The following KCTD8 variants were observed in gnomAD, a reference collection of about 807,000 sequenced individuals.
KCTD8 encodes BTB/POZ domain-containing protein KCTD8.
A neutral mutation model predicts 31.5 loss-of-function variants in KCTD8; 27 were observed. The observed-to-expected ratio is 0.86, with a 90% CI of 0.63 to 1.18. The LOEUF is 1.18. KCTD8 is among the 50% of genes most tolerant of loss of function. The pLI is 0.00. For missense variants in KCTD8, 658 were observed against 647.7 expected (o/e 1.02, Z -0.17); for synonymous variants, 290 against 280.0 (o/e 1.04, Z -0.36).
chr4:44,203,451 T>C (rs1714208554), intron 1 of KCTD8, among the ~76,000 whole-genome samples: 1 of 149,284 alleles, frequency 6.7e-6, no homozygotes, highest in African/African-American at 2.5e-5. Flanking sequence ...GATCGTGCCA[T>C]TGTACTCCAG....
intron 1 of KCTD8, chr4:44,293,472 A>G: frequency 2.2e-6 from 1 of 455,616 alleles, no homozygotes; most frequent in Non-Finnish European, 4.4e-6. Context: ...AATCATAAAT[A>G]GCCATATATT....
intron 1 of KCTD8, among the ~76,000 whole-genome samples, chr4:44,300,902 T>G (rs1291576272): frequency 1.5e-5 from 2 of 129,932 alleles, no homozygotes; most frequent in Non-Finnish European, 3.2e-5. Flanking sequence ...GAGTGTGATG[T>G]TCCCCTTCCT....
chr4:44,328,585 T>C lies in KCTD8; in HGVS notation c.961+118978A>G, dbSNP rs979188795. Among the ~76,000 whole-genome samples, 18 of 152,120 alleles carry C rather than the reference T, an allele frequency of 1.2e-4. No individual in the cohort carries two copies. In the South Asian group the frequency reaches 2.5e-3, roughly 21 times the overall value. On this transcript the variant is annotated intron_variant, in intron 1 of 1. Transcript: ENST00000360029. Reference sequence around the variant, plus strand: ...TGTAACTATTTAACATAAATAGTTTTAGATGATTTTCCATTAGAAACACAA... The same window carrying C: ...TGTAACTATTTAACATAAATAGTTTCAGATGATTTTCCATTAGAAACACAA...
intron 1 of KCTD8, among the ~76,000 whole-genome samples, chr4:44,440,380 T>C (rs1008414352): frequency 3.3e-5 from 5 of 152,228 alleles, no homozygotes; most frequent in Admixed American, 6.5e-5. Flanking sequence ...TAGGTGCTTA[T>C]GTAACAACTT....
intron 1 of KCTD8, among the ~76,000 whole-genome samples, chr4:44,241,151 A>G (rs748084063): frequency 6.6e-6 from 1 of 152,224 alleles, no homozygotes; most frequent in Non-Finnish European, 1.5e-5. Context: ...GCCAGCTTGC[A>G]AGCAGTGGTT....
chr4:44,338,879 C>G (rs1181133188), intron 1 of KCTD8, among the ~76,000 whole-genome samples: 1 of 152,058 alleles, frequency 6.6e-6, no homozygotes, highest in Non-Finnish European at 1.5e-5. Flanking sequence ...TAGAAAAAAG[C>G]TCTCTTCATA....
At chr4:44,358,984 C>A (rs1719428541) in intron 1 of KCTD8, among the ~76,000 whole-genome samples, 1 of 152,074 alleles carries the variant, frequency 6.6e-6, no homozygotes, top group African/African-American at 2.4e-5. Context: ...TGAGAAGTGT[C>A]TGTTCATATC....
At chr4:44,338,681 TGGA>T (rs370085313) in intron 1 of KCTD8, among the ~76,000 whole-genome samples, 64 of 152,316 alleles carry the variant, frequency 4.2e-4, no homozygotes, top group African/African-American at 1.3e-3. Flanking sequence ...CAAAATATTA[TGGA>T]GAAGTTTTCT....
chr4:44,175,571 T>C (rs1188885113), intron 1 of KCTD8, among the ~76,000 whole-genome samples: 2 of 152,316 alleles, frequency 1.3e-5, no homozygotes, highest in African/African-American at 4.8e-5. Context: ...TACTAGTTCC[T>C]GGAATATAAA....
intron 1 of KCTD8, among the ~76,000 whole-genome samples, chr4:44,319,031 G>C (rs1718217771): frequency 6.6e-6 from 1 of 152,220 alleles, no homozygotes; most frequent in Non-Finnish European, 1.5e-5. Flanking sequence ...TCTAGAAATT[G>C]ATGGCAGGAC....
intron 1 of KCTD8, among the ~76,000 whole-genome samples, chr4:44,415,611 T>C (rs1171658318): frequency 1.3e-5 from 2 of 152,164 alleles, no homozygotes; most frequent in Non-Finnish European, 2.9e-5. Context: ...TTCCAGCTGC[T>C]CCAGCTACAG....
At chr4:44,334,424 T>C (rs1262235994) in intron 1 of KCTD8, among the ~76,000 whole-genome samples, 4 of 150,610 alleles carry the variant, frequency 2.7e-5, no homozygotes, top group African/African-American at 9.8e-5. Context: ...AGTTTTTTTA[T>C]GTGTTTATGT....
At chr4:44,326,985 T>C (rs910676874) in intron 1 of KCTD8, among the ~76,000 whole-genome samples, 2 of 151,902 alleles carry the variant, frequency 1.3e-5, no homozygotes. Context: ...GCTCTCAGTT[T>C]GGAAATAAAA....
At chr4:44,364,814 G>A (rs892749913) in intron 1 of KCTD8, among the ~76,000 whole-genome samples, 2 of 151,882 alleles carry the variant, frequency 1.3e-5, no homozygotes, top group Non-Finnish European at 2.9e-5. Flanking sequence ...AAGGCTACAT[G>A]CATGTGATTC....
At chr4:44,292,795 A>G (rs187055109) in intron 1 of KCTD8, among the ~76,000 whole-genome samples, 7 of 152,252 alleles carry the variant, frequency 4.6e-5, no homozygotes, top group African/African-American at 1.7e-4. Context: ...ATATTTTCCT[A>G]ATCATTATAG....
chr4:44,180,659 G>C (rs1265029680), intron 1 of KCTD8, among the ~76,000 whole-genome samples: 1 of 151,818 alleles, frequency 6.6e-6, no homozygotes, highest in Non-Finnish European at 1.5e-5. Context: ...TTCATCACTA[G>C]GGGAATAACC....
chr4:44,367,092 C>T (rs370533852), intron 1 of KCTD8, among the ~76,000 whole-genome samples: 2 of 152,304 alleles, frequency 1.3e-5, no homozygotes, highest in African/African-American at 2.4e-5. Flanking sequence ...TGGGCTCCCT[C>T]CTGCTACGGG....
intron 1 of KCTD8, among the ~76,000 whole-genome samples, chr4:44,419,418 T>C (rs1007454597): frequency 1.3e-5 from 2 of 152,078 alleles, no homozygotes; most frequent in African/African-American, 4.8e-5. Flanking sequence ...AGGGTATGAG[T>C]GCAAGTGTCC....
intron 1 of KCTD8, among the ~76,000 whole-genome samples, chr4:44,336,693 A>C (rs1334746179): frequency 2.6e-5 from 4 of 152,124 alleles, no homozygotes; most frequent in African/African-American, 9.7e-5. Flanking sequence ...AAAATCAGCA[A>C]CTTTTCTCTG....
Sources: gnomAD v4.1 joint callset for allele counts (sites outside exome capture counted in the v4.1 genomes callset) on GRCh38, gnomAD v4.1.1 for gene constraint, MANE v1.5 for transcripts, NCBI Gene and HGNC (gene_info 2026-07-23, HGNC 2026-07-21) for gene names.